Variants in PCNX1 observed in about 807,000 individuals in gnomAD.
PCNX1 encodes the protein pecanex-like protein 1.
A neutral mutation model predicts 242.2 loss-of-function variants in PCNX1; 78 were observed. That is an observed-to-expected ratio of 0.32 (90% CI 0.27 to 0.39). The LOEUF is 0.39. Ranked by LOEUF, PCNX1 falls within the 10% of genes least tolerant of loss-of-function variation. The pLI, the probability that PCNX1 is intolerant of heterozygous loss-of-function variation, is 1.00. For missense variants in PCNX1, 2,581 were observed against 2,856.5 expected (o/e 0.90, Z 2.20); for synonymous variants, 1,024 against 1,032.9 (o/e 0.99, Z 0.17).
intron 30 of PCNX1, among the ~76,000 whole-genome samples, chr14:71,098,480 G>A (rs1179959860): frequency 6.7e-6 from 1 of 149,880 alleles, no homozygotes; most frequent in Admixed American, 6.7e-5. Flanking sequence ...TCTTTGTAGA[G>A]ATCTTTGGCC....
intron 26 of PCNX1, among the ~76,000 whole-genome samples, chr14:71,061,629 A>G (rs1309444449): frequency 6.6e-6 from 1 of 152,238 alleles, no homozygotes; most frequent in Non-Finnish European, 1.5e-5. Context: ...CTATGACTGC[A>G]TCAAGAACCT....
At chr14:71,020,547 T>C (rs2060073190) in intron 12 of PCNX1, among the ~76,000 whole-genome samples, 1 of 152,254 alleles carries the variant, frequency 6.6e-6, no homozygotes, top group African/African-American at 2.4e-5. Flanking sequence ...ATGAGCTTTT[T>C]TTCATGTTTG....
Position 71,115,074 on chromosome 14 carries a change from G to C in PCNX1, c.*5139G>C, listed in dbSNP as rs1480528478. 1 of 152,048 alleles carries C rather than the reference G, an allele frequency of 6.6e-6. No homozygotes were observed. Among genetic ancestry groups the C allele is most frequent in the East Asian group, 1.9e-4 (1 of 5,176 alleles). The allele number at this position is 152,048 out of a possible 1,614,324, so 9.4% of individuals were successfully genotyped here. A position where few individuals can be genotyped will look rare whatever the true frequency, so the allele number is the denominator to read the frequency against. On this transcript the variant is annotated 3_prime_UTR_variant, in exon 36 of 36. Transcript: ENST00000304743. ...GCTCTGCATGAGGAAATGGAAGGAG[G>C]AATATTGAAAATGATTCTAGGAAAG...
At chr14:70,951,314 G>A (rs2057768466) in intron 2 of PCNX1, among the ~76,000 whole-genome samples, 1 of 151,608 alleles carries the variant, frequency 6.6e-6, no homozygotes, top group South Asian at 2.1e-4. Context: ...TTAATACTTA[G>A]CATTGTGAGT....
At chr14:70,962,110 A>G in intron 2 of PCNX1, 116 bp from the exon 3 acceptor site, 1 of 676,406 alleles carries the variant, frequency 1.5e-6, no homozygotes, top group Non-Finnish European at 2.6e-6. Flanking sequence ...TTGCTGGATT[A>G]AAAATCAGAA....
At chr14:71,024,771 A>G (rs77841844) in intron 13 of PCNX1, among the ~76,000 whole-genome samples, 4,157 of 152,154 alleles carry the variant, frequency 0.027, 80 homozygotes, top group Non-Finnish European at 0.044. Flanking sequence ...GCATTGTAGG[A>G]TGTTTGGCAT....
chr14:70,974,893 T>C (rs1013447430), intron 5 of PCNX1, among the ~76,000 whole-genome samples: 4 of 152,342 alleles, frequency 2.6e-5, no homozygotes, highest in South Asian at 4.1e-4. Flanking sequence ...AGAAAAAATA[T>C]ATTTACCTGA....
In PCNX1 at chr14:71,051,789, A is replaced by G; in HGVS notation, c.4448-94A>G. 5.1e-6 allele frequency: 6 copies of G among 1,171,540 alleles called. No homozygotes were observed. In the South Asian group the frequency reaches 8.8e-5, roughly 17 times the overall value. The allele number at this position is 1,171,540 out of a possible 1,614,324, so 72.6% of individuals were successfully genotyped here. On this transcript the variant is annotated intron_variant, in intron 23 of 35. Coordinates refer to ENST00000304743, the MANE Select transcript of PCNX1 (RefSeq NM_014982.3). ...CTGGTGAACCTCAGTTCTCTAATTGAGGTAATCTAAATGTGTCTGCTAGGT... is the reference window on the plus strand; with the variant it reads ...CTGGTGAACCTCAGTTCTCTAATTGGGGTAATCTAAATGTGTCTGCTAGGT...
chr14:71,004,013 C>G (rs915219335), intron 8 of PCNX1, among the ~76,000 whole-genome samples: 4 of 152,196 alleles, frequency 2.6e-5, no homozygotes, highest in African/African-American at 9.6e-5. Flanking sequence ...TTTTTGGAGC[C>G]TAAGATTCTT....
intron 28 of PCNX1, among the ~76,000 whole-genome samples, chr14:71,078,285 C>G (rs896379557): frequency 2.0e-5 from 3 of 152,178 alleles, no homozygotes; most frequent in Non-Finnish European, 4.4e-5. Context: ...AATCAACATT[C>G]CCAGAATAAC....
chr14:71,009,875 TACA>T (rs2059774734), intron 9 of PCNX1, 151 bp downstream of exon 9: 1 of 461,212 alleles, frequency 2.2e-6, no homozygotes, highest in Non-Finnish European at 3.9e-6. Flanking sequence ...ATTTATGGCA[TACA>T]ACCTGATGTT....
At chr14:71,039,219 T>C (rs1414921903) in intron 19 of PCNX1, among the ~76,000 whole-genome samples, 1 of 151,336 alleles carries the variant, frequency 6.6e-6, no homozygotes, top group African/African-American at 2.4e-5. Flanking sequence ...ACTTAAAGTA[T>C]AATTAAAAAA....
chr14:71,089,581 G>T (rs2062075660), intron 30 of PCNX1, among the ~76,000 whole-genome samples: 1 of 152,136 alleles, frequency 6.6e-6, no homozygotes, highest in Non-Finnish European at 1.5e-5. Flanking sequence ...ACAAGGAGAA[G>T]TGCCAAGCAA....
intron 28 of PCNX1, among the ~76,000 whole-genome samples, chr14:71,084,291 G>T (rs1337925797): frequency 6.6e-6 from 1 of 152,184 alleles, no homozygotes; most frequent in Admixed American, 6.5e-5. Context: ...GTCGACCCCT[G>T]CCCGGGAGGC....
chr14:71,057,819 T>A, intron 26 of PCNX1, 95 bp downstream of exon 26: 1 of 854,838 alleles, frequency 1.2e-6, no homozygotes, highest in Non-Finnish European at 1.9e-6. Flanking sequence ...GTCATAGAAT[T>A]AGATATTTGG....
chr14:70,938,839 C>T (rs995188513), intron 1 of PCNX1, among the ~76,000 whole-genome samples: 1 of 152,138 alleles, frequency 6.6e-6, no homozygotes, highest in African/African-American at 2.4e-5. Flanking sequence ...GATTCAACTT[C>T]TTCCTGATTT....
chr14:70,919,539 C>T (rs1209134208), intron 1 of PCNX1, among the ~76,000 whole-genome samples: 1 of 151,998 alleles, frequency 6.6e-6, no homozygotes, highest in African/African-American at 2.4e-5. Flanking sequence ...TAGAATAGCA[C>T]AGACTAATAA....
chr14:71,104,922 CAA>C (rs76844609), intron 32 of PCNX1, among the ~76,000 whole-genome samples: 5 of 142,938 alleles, frequency 3.5e-5, no homozygotes, highest in African/African-American at 5.1e-5. Context: ...GACTCCGTCT[CAA>C]AAAAAAAAAA....
At chr14:71,048,645 C>G (rs983240669) in intron 22 of PCNX1, among the ~76,000 whole-genome samples, 9 of 152,160 alleles carry the variant, frequency 5.9e-5, no homozygotes, top group Non-Finnish European at 1.0e-4. Flanking sequence ...CTTTGACATA[C>G]ATTATCCCAT....
Sources: allele counts gnomAD v4.1 joint callset (sites outside exome capture counted in the v4.1 genomes callset), GRCh38; gene constraint gnomAD v4.1.1; transcripts MANE v1.5; gene names NCBI Gene and HGNC (gene_info 2026-07-23, HGNC 2026-07-21).